The following ERBB4 variants were observed in gnomAD, a reference collection of about 807,000 sequenced individuals.
ERBB4 encodes erb-b2 receptor tyrosine kinase 4.
A neutral mutation model predicts 158.0 loss-of-function variants in ERBB4; 42 were observed. The observed-to-expected ratio is 0.27, with a 90% CI of 0.21 to 0.34. ERBB4 has a LOEUF of 0.34. Among genes scored for constraint, ERBB4 ranks in the 10% least tolerant of loss-of-function variants. The pLI, the probability that ERBB4 is intolerant of heterozygous loss-of-function variation, is 1.00. For missense variants in ERBB4, 1,333 were observed against 1,624.1 expected (o/e 0.82, Z 3.08); for synonymous variants, 583 against 558.7 (o/e 1.04, Z -0.61).
intron 3 of ERBB4, among the ~76,000 whole-genome samples, chr2:211,867,713 T>C (rs1255676316): frequency 4.6e-5 from 7 of 152,166 alleles, no homozygotes; most frequent in Non-Finnish European, 8.8e-5. Context: ...TAGGTGTGTA[T>C]CTCCATGCCT....
chr2:211,758,940 C>T (rs1245869350), intron 4 of ERBB4, among the ~76,000 whole-genome samples: 3 of 152,206 alleles, frequency 2.0e-5, no homozygotes, highest in South Asian at 2.1e-4. Flanking sequence ...ACTTATACTT[C>T]CAACTGCTTA....
At chr2:212,338,157 A>T (rs1017035359) in intron 1 of ERBB4, among the ~76,000 whole-genome samples, 1 of 152,214 alleles carries the variant, frequency 6.6e-6, no homozygotes, top group East Asian at 1.9e-4. Flanking sequence ...CTGAGATAGA[A>T]AACTCCTACA....
chr2:211,627,084 CCT>C (rs1273273344), intron 17 of ERBB4, among the ~76,000 whole-genome samples: 1 of 152,106 alleles, frequency 6.6e-6, no homozygotes, highest in Non-Finnish European at 1.5e-5. Context: ...ATGAGCCTTC[CCT>C]GTGTGTGGTT....
chr2:211,938,859 C>A (rs1553516753), intron 3 of ERBB4, among the ~76,000 whole-genome samples: 1 of 152,070 alleles, frequency 6.6e-6, no homozygotes, highest in Non-Finnish European at 1.5e-5. Flanking sequence ...ATTGACATTA[C>A]TTTCCAAAAG....
intron 2 of ERBB4, among the ~76,000 whole-genome samples, chr2:211,958,727 C>A (rs948786762): frequency 2.0e-5 from 3 of 152,060 alleles, no homozygotes; most frequent in South Asian, 2.1e-4. Context: ...CTATCCACGG[C>A]AAAATGGTCT....
At position 212,320,937 on chromosome 2, in the gene ERBB4, G is replaced by GA. The variant is rs1023477409; in HGVS notation, c.83-196035dup. 6.7e-5 allele frequency among the ~76,000 whole-genome samples: 10 copies of GA among 149,910 alleles called. 1 individual carries two copies. The highest frequency in any genetic ancestry group is 1.9e-4 in the African/African-American group (8 of 41,180). The stretch of plus-strand genomic sequence containing the variant: ...AAGAAAACGAAACAAAAGAAAACCT[G>GA]AAAAAACTGTTTCTTTTTGTTGTTT... On this transcript the variant is annotated intron_variant, in intron 1 of 27. Coordinates refer to ENST00000342788, the MANE Select transcript of ERBB4 (RefSeq NM_005235.3).
intron 20 of ERBB4, among the ~76,000 whole-genome samples, chr2:211,547,164 T>C (rs1485000993): frequency 2.0e-5 from 3 of 152,130 alleles, no homozygotes; most frequent in South Asian, 2.1e-4. Context: ...GATGTTATTA[T>C]TGGGGAAAAT....
At chr2:212,443,979 T>C (rs2092303259) in intron 1 of ERBB4, among the ~76,000 whole-genome samples, 1 of 152,058 alleles carries the variant, frequency 6.6e-6, no homozygotes, top group African/African-American at 2.4e-5. Flanking sequence ...AAGTGGGTCA[T>C]AAAAATCAGC....
intron 2 of ERBB4, among the ~76,000 whole-genome samples, chr2:212,015,101 TATATATATATA>T (rs1559321136): frequency 3.9e-5 from 3 of 77,034 alleles, no homozygotes; most frequent in African/African-American, 1.2e-4. Flanking sequence ...TATATATATA[TATATATATATA>T]AAAATTAGCC....
intron 3 of ERBB4, among the ~76,000 whole-genome samples, chr2:211,874,849 A>G (rs778544030): frequency 3.6e-4 from 55 of 152,130 alleles, no homozygotes; most frequent in Non-Finnish European, 4.4e-4. Context: ...AAATAAAAAT[A>G]TAAATCACAT....
chr2:212,516,577 T>C (rs530188667), intron 1 of ERBB4, among the ~76,000 whole-genome samples: 1 of 152,246 alleles, frequency 6.6e-6, no homozygotes, highest in South Asian at 2.1e-4. Flanking sequence ...GTCTCATATA[T>C]ATTAGAAACA....
At chr2:211,654,348 G>A (rs1392046586) in intron 16 of ERBB4, among the ~76,000 whole-genome samples, 1 of 152,168 alleles carries the variant, frequency 6.6e-6, no homozygotes, top group Non-Finnish European at 1.5e-5. Context: ...GAGTCACACT[G>A]CATTATATTT....
chr2:211,395,286 G>T (rs1443057542), intron 25 of ERBB4, among the ~76,000 whole-genome samples: 3 of 151,984 alleles, frequency 2.0e-5, no homozygotes, highest in African/African-American at 7.2e-5. Flanking sequence ...TTGAAATAAA[G>T]TTTTATGATT....
intron 20 of ERBB4, chr2:211,535,589 ATG>A (rs10636668): frequency 2.5e-3 from 368 of 144,418 alleles, no homozygotes; most frequent in Admixed American, 4.1e-3. Context: ...GAGAGAGTGT[ATG>A]TGTGTGTGTG....
chr2:211,835,666 G>A (rs1223976016), intron 3 of ERBB4, among the ~76,000 whole-genome samples: 1 of 152,020 alleles, frequency 6.6e-6, no homozygotes, highest in Non-Finnish European at 1.5e-5. Flanking sequence ...AAAGAATTCA[G>A]TCTTTGAATT....
intron 3 of ERBB4, among the ~76,000 whole-genome samples, chr2:211,831,754 T>G (rs1415137630): frequency 6.6e-6 from 1 of 151,986 alleles, no homozygotes; most frequent in African/African-American, 2.4e-5. Flanking sequence ...ATACAAAAAA[T>G]TAGCCAGGCG....
At chr2:212,101,237 G>A (rs766840466) in intron 2 of ERBB4, among the ~76,000 whole-genome samples, 79 of 151,368 alleles carry the variant, frequency 5.2e-4, no homozygotes, top group African/African-American at 1.4e-3. Context: ...AGCACATGGC[G>A]GATAATAAAA....
intron 19 of ERBB4, among the ~76,000 whole-genome samples, chr2:211,564,470 C>T (rs1351594948): frequency 6.6e-6 from 1 of 152,136 alleles, no homozygotes; most frequent in Non-Finnish European, 1.5e-5. Flanking sequence ...TGTAAATTTA[C>T]ATATGATAAA....
chr2:212,446,995 C>CTTTTTTTTTTTTTTTTT (rs771259936), intron 1 of ERBB4, among the ~76,000 whole-genome samples: 1 of 136,610 alleles, frequency 7.3e-6, no homozygotes, highest in Non-Finnish European at 1.6e-5. Flanking sequence ...CCAAATTTTT[C>CTTTTTTTTTTTTTTTTT]TTTTTTTTTT....
Sources: gnomAD v4.1 joint callset for allele counts (sites outside exome capture counted in the v4.1 genomes callset) on GRCh38, gnomAD v4.1.1 for gene constraint, MANE v1.5 for transcripts, NCBI Gene and HGNC (gene_info 2026-07-23, HGNC 2026-07-21) for gene names.